KLF12: variants seen among roughly 807,000 people sequenced by gnomAD.
KLF12 encodes the protein Krueppel-like factor 12.
In KLF12, 9 loss-of-function variants were observed where a neutral mutation model predicts 37.8. The ratio of observed to expected loss-of-function variants is 0.24; its 90% CI spans 0.14 to 0.42. The LOEUF is 0.42. KLF12 is among the 10% of genes least tolerant of loss of function. The pLI is 1.00. For missense variants in KLF12, 411 were observed against 516.0 expected, an observed-to-expected ratio of 0.80 and a Z score of 1.97; for synonymous variants, 208 against 202.1, an observed-to-expected ratio of 1.03 and a Z score of -0.25.
chr13:74,131,561 G>A (rs1456660905), intron 1 of KLF12, among the ~76,000 whole-genome samples: 2 of 152,086 alleles, frequency 1.3e-5, no homozygotes, highest in African/African-American at 4.8e-5. Flanking sequence ...AGTGGGAGGT[G>A]GAGAATATTA....
the KLF12 span, among the ~76,000 whole-genome samples, chr13:74,252,506 A>G: frequency 3.9e-5 from 6 of 152,190 alleles, no homozygotes; most frequent in Non-Finnish European, 7.4e-5. Context: ...AGCATATCAC[A>G]GCACCCAGAT....
chr13:74,235,736 A>G, the KLF12 span, among the ~76,000 whole-genome samples: 2 of 152,146 alleles, frequency 1.3e-5, no homozygotes, highest in Non-Finnish European at 2.9e-5. Flanking sequence ...CAGAAAGTAG[A>G]TTTAAAAAGC....
the KLF12 span, among the ~76,000 whole-genome samples, chr13:74,213,678 T>G: frequency 6.7e-6 from 1 of 149,244 alleles, no homozygotes; most frequent in South Asian, 2.2e-4. Flanking sequence ...TTTCATTCTA[T>G]TTGAAATATT....
chr13:74,273,118 C>T, the KLF12 span, among the ~76,000 whole-genome samples: 1 of 152,156 alleles, frequency 6.6e-6, no homozygotes, highest in Non-Finnish European at 1.5e-5. Flanking sequence ...TCCTTTCCTG[C>T]TCAGAAAAAT....
intron 3 of KLF12, among the ~76,000 whole-genome samples, chr13:73,882,844 T>A (rs1277576714): frequency 6.6e-6 from 1 of 152,166 alleles, no homozygotes; most frequent in Non-Finnish European, 1.5e-5. Context: ...TAAAGCAAAT[T>A]ATGGAAGGAA....
At chr13:74,154,790 C>A in the KLF12 span, among the ~76,000 whole-genome samples, 1 of 152,334 alleles carries the variant, frequency 6.6e-6, no homozygotes, top group Non-Finnish European at 1.5e-5. Flanking sequence ...ATCATGGGAT[C>A]TCTGCTCTCC....
intron 2 of KLF12, among the ~76,000 whole-genome samples, chr13:73,965,754 C>T (rs975271639): frequency 6.6e-6 from 1 of 152,182 alleles, no homozygotes; most frequent in Non-Finnish European, 1.5e-5. Context: ...CCCACTCTCA[C>T]CAAAAGGCAT....
chr13:74,197,423 G>A, the KLF12 span, among the ~76,000 whole-genome samples: 3 of 151,604 alleles, frequency 2.0e-5, no homozygotes, highest in Non-Finnish European at 2.9e-5. Context: ...AGTGTGTAAG[G>A]ATCATTCTCC....
intron 1 of KLF12, among the ~76,000 whole-genome samples, chr13:74,103,967 T>C (rs1876508740): frequency 6.6e-6 from 1 of 152,190 alleles, no homozygotes; most frequent in Non-Finnish European, 1.5e-5. Flanking sequence ...GAAAAGCAAA[T>C]GTAATACTAG....
chr13:74,247,165 A>T, the KLF12 span, among the ~76,000 whole-genome samples: 3 of 152,194 alleles, frequency 2.0e-5, no homozygotes, highest in Admixed American at 2.0e-4. Context: ...TATCTTTGAT[A>T]TCTTGTTTCT....
chr13:74,136,743 C>A (rs1878568162), upstream of KLF12, among the ~76,000 whole-genome samples: 1 of 149,596 alleles, frequency 6.7e-6, no homozygotes, highest in African/African-American at 2.5e-5. Context: ...AGGGGTAGGT[C>A]AAGGTTAGTA....
chr13:74,124,450 A>G (rs73214836), intron 1 of KLF12, among the ~76,000 whole-genome samples: 297 of 152,342 alleles, frequency 1.9e-3, no homozygotes, highest in Admixed American at 3.3e-3. Flanking sequence ...AATACAAACT[A>G]AATATTCCCA....
In KLF12 at chr13:73,805,805, G is replaced by GT. The variant is rs111490011; in HGVS notation, c.806+7346dup. The stretch of plus-strand genomic sequence containing the variant: ...TAATTTAATATAGCTGAGGCATAAA[G>GT]TTTTTTTTCTTCTTTTTGAGATGGA... On this transcript the variant is annotated intron_variant, in intron 5 of 7. Transcript: ENST00000377669. 6.1e-4 allele frequency among the ~76,000 whole-genome samples: 93 copies of GT among 152,086 alleles called. 1 individual carries two copies. The South Asian group carries it at 0.017, about 28-fold the overall frequency.
chr13:73,690,755 C>G lies in KLF12; in HGVS notation c.*4735G>C, dbSNP rs1873773993. 1 of 152,556 alleles carries G rather than the reference C, an allele frequency of 6.6e-6. No individual in the cohort carries two copies. Among genetic ancestry groups the G allele is most frequent in the Non-Finnish European group, 1.5e-5 (1 of 68,026 alleles). 9.5% of individuals were successfully genotyped at this position (152,556 alleles called of 1,614,324 possible). On this transcript the variant is annotated 3_prime_UTR_variant, in exon 8 of 8. Transcript: ENST00000377669. The stretch of plus-strand genomic sequence containing the variant: ...GATGAAAACTAGAAGCTCTCTTTCC[C>G]AACATACTTCATCAAACTATTTACA...
At chr13:73,939,763 T>A (rs1285401272) in intron 3 of KLF12, among the ~76,000 whole-genome samples, 1 of 152,182 alleles carries the variant, frequency 6.6e-6, no homozygotes, top group African/African-American at 2.4e-5. Context: ...AGACTAAGCA[T>A]GACCCACACA....
intron 1 of KLF12, among the ~76,000 whole-genome samples, chr13:74,064,955 A>G (rs2138669232): frequency 6.6e-6 from 1 of 152,276 alleles, no homozygotes; most frequent in South Asian, 2.1e-4. Context: ...ACGTTATTCT[A>G]CTGTTTTTGA....
intron 2 of KLF12, among the ~76,000 whole-genome samples, chr13:73,957,039 AG>A (rs1443444878): frequency 2.4e-4 from 8 of 33,714 alleles, no homozygotes; most frequent in East Asian, 3.0e-3. Context: ...AGGAAAGGAA[AG>A]GAAAGGAAAG....
chr13:74,088,444 T>C (rs1257438940), intron 1 of KLF12, among the ~76,000 whole-genome samples: 1 of 152,034 alleles, frequency 6.6e-6, no homozygotes, highest in Non-Finnish European at 1.5e-5. Flanking sequence ...GCCAGGCTAG[T>C]CTCAAACTAC....
intron 1 of KLF12, among the ~76,000 whole-genome samples, chr13:74,018,128 A>G (rs1892748711): frequency 6.6e-6 from 1 of 151,838 alleles, no homozygotes; most frequent in African/African-American, 2.4e-5. Flanking sequence ...CGATTCAGCC[A>G]TAATAAAGAG....
Sources: gnomAD v4.1 joint callset for allele counts (sites outside exome capture counted in the v4.1 genomes callset) on GRCh38, gnomAD v4.1.1 for gene constraint, MANE v1.5 for transcripts, NCBI Gene and HGNC (gene_info 2026-07-23, HGNC 2026-07-21) for gene names.